ROBO2: variants seen among roughly 807,000 people sequenced by gnomAD.
ROBO2 encodes the protein roundabout homolog 2.
In ROBO2, 53 loss-of-function variants were observed where a neutral mutation model predicts 160.8. The ratio of observed to expected loss-of-function variants is 0.33; its 90% CI spans 0.26 to 0.41. ROBO2 has a LOEUF of 0.41. ROBO2 is among the 10% of genes least tolerant of loss of function. The probability of loss-of-function intolerance (pLI) is 1.00; values close to 1 mark genes in which losing one functional copy is unlikely to be tolerated. For synonymous variants in ROBO2, 664 were observed against 611.7 expected, an observed-to-expected ratio of 1.09 and a Z score of -1.26; for missense variants, 1,577 against 1,722.4, an observed-to-expected ratio of 0.92 and a Z score of 1.49.
chr3:76,299,551 G>A (rs576101407), intron 2 of ROBO2, among the ~76,000 whole-genome samples: 1 of 152,256 alleles, frequency 6.6e-6, no homozygotes, highest in African/African-American at 2.4e-5. Flanking sequence ...CTTTTATTGT[G>A]AGTTCAAATG....
chr3:76,884,922 A>C (rs2073725906), intron 2 of ROBO2, among the ~76,000 whole-genome samples: 1 of 152,156 alleles, frequency 6.6e-6, no homozygotes, highest in Non-Finnish European at 1.5e-5. Flanking sequence ...AAAGAGGGTG[A>C]AATGAAGACA....
chr3:77,035,763 G>GA (rs947381693), upstream of ROBO2, among the ~76,000 whole-genome samples: 2 of 151,760 alleles, frequency 1.3e-5, no homozygotes, highest in African/African-American at 2.4e-5. Context: ...GTGTAATAAA[G>GA]AAAAAATCAT....
Position 76,847,075 on chromosome 3 carries a change from C to G in ROBO2, c.110-250939C>G, listed in dbSNP as rs190884151. Among the ~76,000 whole-genome samples, 296 of 152,232 alleles carry G rather than the reference C, an allele frequency of 1.9e-3. 1 individual carries two copies. Among genetic ancestry groups the G allele is most frequent in the African/African-American group, 6.6e-3 (274 of 41,536 alleles). On this transcript the variant is annotated intron_variant, in intron 2 of 26. Coordinates refer to the ROBO2 transcript ENST00000487694. ...AAACATGTCAAACACCCAGTGCCTACGTGGTTAATTTGCTACTGTCCAAGA... is the reference window on the plus strand; with the variant it reads ...AAACATGTCAAACACCCAGTGCCTAGGTGGTTAATTTGCTACTGTCCAAGA...
chr3:76,506,359 A>G (rs1384391379), intron 2 of ROBO2, among the ~76,000 whole-genome samples: 2 of 152,100 alleles, frequency 1.3e-5, no homozygotes. Flanking sequence ...CTTCTAGTCT[A>G]TATTGTGCTG....
chr3:77,518,478 A>G (rs2090253460), intron 5 of ROBO2, among the ~76,000 whole-genome samples: 2 of 151,630 alleles, frequency 1.3e-5, no homozygotes, highest in African/African-American at 4.8e-5. Flanking sequence ...TTAAATTACA[A>G]CATCCCAATG....
chr3:77,522,996 C>T, intron 6 of ROBO2, 94 bp downstream of exon 6: 1 of 1,471,664 alleles, frequency 6.8e-7, no homozygotes, highest in Admixed American at 1.7e-5. Flanking sequence ...ATGAATTATG[C>T]TGTTTTGTTG....
At chr3:76,436,130 C>T (rs183793924) in intron 2 of ROBO2, among the ~76,000 whole-genome samples, 2 of 97,988 alleles carry the variant, frequency 2.0e-5, no homozygotes, top group African/African-American at 7.4e-5. Context: ...CTGCCCAGCA[C>T]CTTCCTACAG....
chr3:76,823,812 C>A (rs1216320993), intron 2 of ROBO2, among the ~76,000 whole-genome samples: 2 of 152,068 alleles, frequency 1.3e-5, no homozygotes, highest in Admixed American at 1.3e-4. Context: ...CATGTATGAG[C>A]AGTTATAAGT....
chr3:75,944,640 A>AGT (rs1170029902), intron 2 of ROBO2, among the ~76,000 whole-genome samples: 6 of 152,274 alleles, frequency 3.9e-5, no homozygotes, highest in South Asian at 4.1e-4. Flanking sequence ...CTTGTCTGAA[A>AGT]GTGTTTTCTC....
intron 2 of ROBO2, among the ~76,000 whole-genome samples, chr3:77,209,793 A>G (rs1215118486): frequency 6.6e-6 from 1 of 152,194 alleles, no homozygotes; most frequent in Non-Finnish European, 1.5e-5. Context: ...TGGCCTTATC[A>G]GAATTATTAG....
intron 2 of ROBO2, among the ~76,000 whole-genome samples, chr3:76,602,461 A>ACTCACAGT (rs1372264709): frequency 6.6e-6 from 1 of 152,190 alleles, no homozygotes; most frequent in Non-Finnish European, 1.5e-5. Context: ...GTTTAATTCA[A>ACTCACAGT]CTCACAGTTC....
At chr3:75,934,866 G>A (rs1947702804) in intron 1 of ROBO2, among the ~76,000 whole-genome samples, 2 of 151,982 alleles carry the variant, frequency 1.3e-5, no homozygotes, top group South Asian at 4.1e-4. Context: ...ATGACTACTG[G>A]ATGTAGGTAA....
At chr3:77,624,868 C>A (rs1442578908) in intron 23 of ROBO2, among the ~76,000 whole-genome samples, 1 of 152,124 alleles carries the variant, frequency 6.6e-6, no homozygotes, top group Non-Finnish European at 1.5e-5. Flanking sequence ...TGAAACCAAT[C>A]AGAATATTGG....
In ROBO2 at chr3:76,700,581, A is replaced by G. The variant is rs115819740; in HGVS notation, c.110-397433A>G. ...ATGAGCTCATTTTGAAAATATGACT[A>G]TATACAGGGTGTCATTCATTTAGTC... On this transcript the variant is annotated intron_variant, in intron 2 of 26. Transcript: ENST00000487694. Among the ~76,000 whole-genome samples, 152 of 152,220 alleles carry G rather than the reference A, an allele frequency of 1.0e-3. 1 individual carries two copies. Among genetic ancestry groups the G allele is most frequent in the African/African-American group, 3.4e-3 (143 of 41,552 alleles).
At chr3:77,151,295 A>C (rs916542959) in intron 2 of ROBO2, among the ~76,000 whole-genome samples, 5 of 152,152 alleles carry the variant, frequency 3.3e-5, no homozygotes, top group African/African-American at 9.7e-5. Flanking sequence ...TTGTATACAA[A>C]TATTCAGTGA....
chr3:76,233,654 G>A (rs1704758641), intron 2 of ROBO2, among the ~76,000 whole-genome samples: 2 of 152,136 alleles, frequency 1.3e-5, no homozygotes, highest in African/African-American at 2.4e-5. Flanking sequence ...AAAGCTGAAC[G>A]TAATTACTAA....
At chr3:77,106,324 T>C (rs2072791584) in intron 2 of ROBO2, among the ~76,000 whole-genome samples, 2 of 152,208 alleles carry the variant, frequency 1.3e-5, no homozygotes, top group African/African-American at 2.4e-5. Context: ...ATTACAGGTG[T>C]GAGCCACCGT....
chr3:76,372,153 CT>C (rs1260328514), intron 2 of ROBO2, among the ~76,000 whole-genome samples: 1 of 151,726 alleles, frequency 6.6e-6, no homozygotes, highest in Non-Finnish European at 1.5e-5. Flanking sequence ...CCTTTTGTTA[CT>C]TTATACATTA....
intron 2 of ROBO2, among the ~76,000 whole-genome samples, chr3:76,467,427 T>G (rs2078421740): frequency 1.3e-5 from 2 of 152,116 alleles, no homozygotes. Context: ...AATACACATG[T>G]TTAGAAATAT....
Sources: gnomAD v4.1 joint callset for allele counts (sites outside exome capture counted in the v4.1 genomes callset) on GRCh38, gnomAD v4.1.1 for gene constraint, MANE v1.5 for transcripts, NCBI Gene and HGNC (gene_info 2026-07-23, HGNC 2026-07-21) for gene names.